ZNF804A: variants seen among roughly 807,000 people sequenced by gnomAD.
The protein encoded by ZNF804A is zinc finger protein 804A.
Under a neutral mutation model 16.5 loss-of-function variants are expected in ZNF804A, and 2 were observed. The ratio of observed to expected loss-of-function variants is 0.12; its 90% CI spans 0.05 to 0.38. The LOEUF is 0.38. ZNF804A is among the 10% of genes least tolerant of loss of function. The pLI is 0.99. For synonymous variants in ZNF804A, 534 were observed against 489.6 expected (o/e 1.09, Z -1.20); for missense variants, 1,473 against 1,390.7 (o/e 1.06, Z -0.94).
At chr2:184,877,747 A>G (rs1820847) in intron 2 of ZNF804A, among the ~76,000 whole-genome samples, 7,660 of 152,204 alleles carry the variant, frequency 0.05, 252 homozygotes, top group Middle Eastern at 0.078. Context: ...AAGGTTGGAA[A>G]AGAGAGTCAA....
intron 1 of ZNF804A, among the ~76,000 whole-genome samples, chr2:184,641,041 G>A (rs1025002019): frequency 2.6e-5 from 4 of 152,060 alleles, no homozygotes; most frequent in African/African-American, 7.2e-5. Flanking sequence ...TGCAACCTCC[G>A]CTTCCTGGGT....
chr2:184,934,168 A>G (rs1402762630), intron 3 of ZNF804A, among the ~76,000 whole-genome samples: 2 of 152,098 alleles, frequency 1.3e-5, no homozygotes, highest in African/African-American at 2.4e-5. Context: ...TTTCTAAAAA[A>G]GGATAAGAAT....
At chr2:184,879,549 T>C (rs1684773405) in intron 2 of ZNF804A, among the ~76,000 whole-genome samples, 1 of 151,968 alleles carries the variant, frequency 6.6e-6, no homozygotes, top group Admixed American at 6.6e-5. Flanking sequence ...AGCAAACAAG[T>C]ATGCAATAGA....
In ZNF804A at chr2:184,600,985, A is replaced by G. The variant is rs1020215072; in HGVS notation, c.111+1915A>G. ...ATCAGAAAGAACAAACAAGGATAAA[A>G]TGGCTTTGAAATAACTCCATAATTA... On this transcript the variant is annotated intron_variant, in intron 1 of 3. Coordinates refer to ENST00000302277, the MANE Select transcript of ZNF804A (RefSeq NM_194250.2). 3.9e-5 allele frequency among the ~76,000 whole-genome samples: 6 copies of G among 152,172 alleles called. No individual in the cohort carries two copies. The East Asian group carries it at 5.8e-4, about 15-fold the overall frequency.
At chr2:184,686,018 C>T (rs1349447436) in intron 1 of ZNF804A, among the ~76,000 whole-genome samples, 1 of 152,252 alleles carries the variant, frequency 6.6e-6, no homozygotes, top group Non-Finnish European at 1.5e-5. Context: ...GTCAGCACAG[C>T]TCCAAGTGCA....
At chr2:184,747,004 G>C (rs1193045680) in intron 1 of ZNF804A, among the ~76,000 whole-genome samples, 1 of 151,296 alleles carries the variant, frequency 6.6e-6, no homozygotes, top group African/African-American at 2.4e-5. Flanking sequence ...GCTCTGAACA[G>C]ATCCAAATCC....
chr2:184,643,950 T>A (rs1393299003), intron 1 of ZNF804A, among the ~76,000 whole-genome samples: 1 of 151,682 alleles, frequency 6.6e-6, no homozygotes, highest in Admixed American at 6.6e-5. Context: ...CCAATAATAA[T>A]TTTTTAAAAA....
At chr2:184,691,727 G>T (rs980696784) in intron 1 of ZNF804A, among the ~76,000 whole-genome samples, 1 of 151,638 alleles carries the variant, frequency 6.6e-6, no homozygotes, top group Non-Finnish European at 1.5e-5. Context: ...GATAGAATAA[G>T]AAAATTTCTA....
intron 1 of ZNF804A, among the ~76,000 whole-genome samples, chr2:184,718,576 A>G (rs1326126239): frequency 2.6e-5 from 4 of 152,158 alleles, no homozygotes; most frequent in African/African-American, 2.4e-5. Context: ...AAATATAGCC[A>G]ATCCAAATAG....
intron 1 of ZNF804A, among the ~76,000 whole-genome samples, chr2:184,613,631 T>C (rs1574131662): frequency 2.0e-5 from 3 of 152,036 alleles, no homozygotes; most frequent in African/African-American, 7.2e-5. Context: ...AATTAATTCT[T>C]CTAAGGCAGT....
At chr2:184,630,406 T>C (rs376233734) in intron 1 of ZNF804A, among the ~76,000 whole-genome samples, 4 of 152,118 alleles carry the variant, frequency 2.6e-5, no homozygotes, top group South Asian at 2.1e-4. Context: ...AACTAAATCC[T>C]TCCTCCGATT....
At chr2:184,866,548 G>A (rs1695879883) in intron 2 of ZNF804A, 36 bp downstream of exon 2, 1 of 1,575,084 alleles carries the variant, frequency 6.3e-7, no homozygotes, top group African/African-American at 1.4e-5. Context: ...TGGCATTTCT[G>A]GACTTGTGTA....
intron 1 of ZNF804A, among the ~76,000 whole-genome samples, chr2:184,843,365 C>T (rs199847488): frequency 6.6e-6 from 1 of 152,036 alleles, no homozygotes; most frequent in African/African-American, 2.4e-5. Flanking sequence ...TGAGTTCAAG[C>T]GATTCTCCTG....
intron 1 of ZNF804A, among the ~76,000 whole-genome samples, chr2:184,840,568 G>A (rs1695420923): frequency 6.6e-6 from 1 of 152,050 alleles, no homozygotes; most frequent in African/African-American, 2.4e-5. Flanking sequence ...CATATGCTGT[G>A]TGCTCTCTAA....
chr2:184,607,945 T>C (rs1691176747), intron 1 of ZNF804A, among the ~76,000 whole-genome samples: 1 of 120,568 alleles, frequency 8.3e-6, no homozygotes, highest in African/African-American at 3.1e-5. Flanking sequence ...TCTTTTTTTT[T>C]TTTTTTTTTT....
intron 1 of ZNF804A, among the ~76,000 whole-genome samples, chr2:184,752,883 A>G (rs1693897471): frequency 6.6e-6 from 1 of 151,740 alleles, no homozygotes; most frequent in Admixed American, 6.6e-5. Flanking sequence ...ACTGCTAATC[A>G]TCAGAGAAAT....
intron 1 of ZNF804A, among the ~76,000 whole-genome samples, chr2:184,773,599 C>T (rs1274177492): frequency 1.3e-5 from 2 of 151,802 alleles, no homozygotes; most frequent in African/African-American, 4.8e-5. Flanking sequence ...GGGAGCTAAG[C>T]TATGAGGATG....
In ZNF804A at chr2:184,886,543, G is replaced by A. The variant is rs184092783; in HGVS notation, c.255+20031G>A. ...TCCCTTTCTGCACTGCCCTAGCAGA[G>A]GTTCTCCATGAGGGCCCTGCCCCTG... On this transcript the variant is annotated intron_variant, in intron 2 of 3. Coordinates refer to ENST00000302277, the MANE Select transcript of ZNF804A (RefSeq NM_194250.2). Among the ~76,000 whole-genome samples the A allele has an allele frequency of 1.6e-4, 24 of 152,366 alleles. No individual in the cohort carries two copies. In the East Asian group the frequency reaches 2.5e-3, roughly 16 times the overall value.
At chr2:184,689,714 T>C (rs1442008772) in intron 1 of ZNF804A, among the ~76,000 whole-genome samples, 1 of 152,030 alleles carries the variant, frequency 6.6e-6, no homozygotes, top group Non-Finnish European at 1.5e-5. Context: ...TCTTTATTTA[T>C]CCTGTTTAGA....
Sources: gnomAD v4.1 joint callset for allele counts (sites outside exome capture counted in the v4.1 genomes callset) on GRCh38, gnomAD v4.1.1 for gene constraint, MANE v1.5 for transcripts, NCBI Gene and HGNC (gene_info 2026-07-23, HGNC 2026-07-21) for gene names.